The following PCDHA3 variants were observed in gnomAD, a reference collection of about 807,000 sequenced individuals.
PCDHA3 encodes protocadherin alpha 3.
A neutral mutation model predicts 62.2 loss-of-function variants in PCDHA3; 41 were observed. The ratio of observed to expected loss-of-function variants is 0.66; its 90% CI spans 0.51 to 0.86. The LOEUF (loss-of-function observed/expected upper bound fraction) is 0.86, where lower values mean the gene tolerates loss of function less well. PCDHA3 is among the 40% of genes least tolerant of loss of function. The probability of loss-of-function intolerance (pLI) is 0.00; values close to 1 mark genes in which losing one functional copy is unlikely to be tolerated. For synonymous variants in PCDHA3, 640 were observed against 555.4 expected (o/e 1.15, Z -2.14); for missense variants, 1,304 against 1,241.2 (o/e 1.05, Z -0.76).
intron 1 of PCDHA3, chr5:140,809,089 G>C: frequency 6.2e-7 from 1 of 1,613,934 alleles, no homozygotes; most frequent in Non-Finnish European, 8.5e-7. Flanking sequence ...TCAGCACAAC[G>C]CGTGCCCTGG....
chr5:140,805,213 T>C, intron 1 of PCDHA3: 1 of 1,424,420 alleles, frequency 7.0e-7, no homozygotes, highest in Non-Finnish European at 9.2e-7. Context: ...AAATAAACAT[T>C]GTTTTCTATT....
intron 3 of PCDHA3, among the ~76,000 whole-genome samples, chr5:140,996,539 A>G (rs1023035245): frequency 2.6e-5 from 4 of 152,170 alleles, no homozygotes; most frequent in South Asian, 4.1e-4. Flanking sequence ...GTGTTTTGAT[A>G]TTATGCTGTC....
At chr5:140,944,241 G>A (rs2093630107) in intron 1 of PCDHA3, among the ~76,000 whole-genome samples, 1 of 152,196 alleles carries the variant, frequency 6.6e-6, no homozygotes, top group African/African-American at 2.4e-5. Context: ...AGGCTGGAGT[G>A]CAGTGATGTG....
intron 1 of PCDHA3, among the ~76,000 whole-genome samples, chr5:140,977,965 C>T (rs782117847): frequency 3.3e-5 from 5 of 152,150 alleles, no homozygotes; most frequent in Non-Finnish European, 5.9e-5. Context: ...CCTCAATCTC[C>T]GCCCATGAAA....
intron 1 of PCDHA3, among the ~76,000 whole-genome samples, chr5:140,972,633 T>G (rs1230723429): frequency 6.6e-6 from 1 of 151,644 alleles, no homozygotes; most frequent in Non-Finnish European, 1.5e-5. Context: ...TGGCACTCCC[T>G]TCAGAGTCTC....
intron 1 of PCDHA3, chr5:140,966,754 G>A (rs1554228611): frequency 1.4e-6 from 2 of 1,432,146 alleles, no homozygotes; most frequent in South Asian, 3.0e-5. Context: ...TGCCTCCGCC[G>A]CGGCCAGTGG....
rs1554143145 is a variant in PCDHA3 at position 140,849,656 on chromosome 5, C to T, written c.2394+46065C>T. The T allele has an allele frequency of 2.4e-5, 38 of 1,598,658 alleles. 2 individuals are homozygous for T. Among genetic ancestry groups the T allele is most frequent in the Non-Finnish European group, 3.2e-5 (37 of 1,168,036 alleles). On this transcript the variant is annotated intron_variant, in intron 1 of 3. Transcript: ENST00000522353. The stretch of plus-strand genomic sequence containing the variant: ...CAGATGCCAACGGGCAGGTTACCTG[C>T]TCCCTGACGCCCCACGTCCCCTTCA...
At chr5:140,932,375 G>A (rs192897336) in intron 1 of PCDHA3, among the ~76,000 whole-genome samples, 31 of 151,942 alleles carry the variant, frequency 2.0e-4, no homozygotes, top group Non-Finnish European at 3.0e-5. Context: ...ATTTCCACAT[G>A]AAAGTTATAC....
chr5:140,892,468 C>T (rs1184778883), intron 1 of PCDHA3, among the ~76,000 whole-genome samples: 10 of 152,150 alleles, frequency 6.6e-5, no homozygotes, highest in Admixed American at 3.3e-4. Flanking sequence ...TACGGTTATT[C>T]AGTTTCCTAG....
intron 1 of PCDHA3, chr5:140,871,163 GC>G: frequency 6.2e-7 from 1 of 1,613,476 alleles, no homozygotes; most frequent in Non-Finnish European, 8.5e-7. Context: ...GGCGCCGCGA[GC>G]CCAGAGGCTG....
chr5:140,869,973 C>G, intron 1 of PCDHA3: 2 of 1,613,100 alleles, frequency 1.2e-6, no homozygotes, highest in African/African-American at 1.3e-5. Flanking sequence ...ATGGAAGACA[C>G]TTATTTACAC....
At chr5:140,951,672 T>C (rs1242247980) in intron 1 of PCDHA3, among the ~76,000 whole-genome samples, 1 of 152,114 alleles carries the variant, frequency 6.6e-6, no homozygotes, top group Non-Finnish European at 1.5e-5. Flanking sequence ...GCCTACAAAA[T>C]TGGGGATTAC....
At chr5:140,819,845 C>T (rs1413889296) in intron 1 of PCDHA3, among the ~76,000 whole-genome samples, 2 of 151,922 alleles carry the variant, frequency 1.3e-5, no homozygotes, top group African/African-American at 2.4e-5. Context: ...GACTTTTTCT[C>T]CATTGAGTAT....
Position 140,951,565 on chromosome 5 carries a change from T to G in PCDHA3, c.2395-27384T>G, listed in dbSNP as rs151148481. Among the ~76,000 whole-genome samples the G allele has an allele frequency of 1.4e-3, 220 of 152,132 alleles. 1 individual carries two copies. Among genetic ancestry groups the G allele is most frequent in the African/African-American group, 4.9e-3 (203 of 41,508 alleles). ...GGACGGGGGGAAGTGCTACGCACTT[T>G]TAAACAACCAGATTTCACGAGATCT... On this transcript the variant is annotated intron_variant, in intron 1 of 3. Transcript: ENST00000522353.
Position 140,863,355 on chromosome 5 carries a change from G to A in PCDHA3, c.2394+59764G>A, listed in dbSNP as rs541699808. ...TCACGTTGCTGCTGTACACGACGCT[G>A]CGGTGCTTGGCGCAGCTCACCGAGA... On this transcript the variant is annotated intron_variant, in intron 1 of 3. Coordinates refer to ENST00000522353, the MANE Select transcript of PCDHA3 (RefSeq NM_018906.3). 8 of 1,264,220 alleles carry A rather than the reference G, an allele frequency of 6.3e-6. No homozygotes were observed. In the Admixed American group the frequency reaches 1.3e-4, roughly 20 times the overall value. 78.3% of individuals were successfully genotyped at this position (1,264,220 alleles called of 1,614,324 possible).
intron 1 of PCDHA3, chr5:140,809,632 G>T: frequency 6.7e-7 from 1 of 1,502,482 alleles, no homozygotes; most frequent in South Asian, 1.4e-5. Flanking sequence ...CAACTTCTTC[G>T]TAAATTTATT....
chr5:140,985,977 G>A (rs1341198195), intron 3 of PCDHA3, among the ~76,000 whole-genome samples: 3 of 151,932 alleles, frequency 2.0e-5, no homozygotes, highest in African/African-American at 7.3e-5. Flanking sequence ...CTGACCTCGT[G>A]ATCCGCCCAC....
At chr5:140,881,042 G>A (rs2058565950) in intron 1 of PCDHA3, among the ~76,000 whole-genome samples, 1 of 152,208 alleles carries the variant, frequency 6.6e-6, no homozygotes, top group Non-Finnish European at 1.5e-5. Context: ...TTCCTATAGA[G>A]TTGTGCACAG....
chr5:140,961,776 A>G (rs1554225585), intron 1 of PCDHA3, among the ~76,000 whole-genome samples: 1 of 152,188 alleles, frequency 6.6e-6, no homozygotes, highest in African/African-American at 2.4e-5. Flanking sequence ...ATCAAGCTTA[A>G]TGGCACTTTT....
Sources: gnomAD v4.1 joint callset for allele counts (sites outside exome capture counted in the v4.1 genomes callset) on GRCh38, gnomAD v4.1.1 for gene constraint, MANE v1.5 for transcripts, NCBI Gene and HGNC (gene_info 2026-07-23, HGNC 2026-07-21) for gene names.